FRMPD4: variants seen among roughly 807,000 people sequenced by gnomAD.
FRMPD4 encodes FERM and PDZ domain-containing protein 4.
FRMPD4 carries 22 observed loss-of-function variants against 94.1 expected under a neutral mutation model. The ratio of observed to expected loss-of-function variants is 0.23; its 90% confidence interval spans 0.17 to 0.33. The LOEUF (loss-of-function observed/expected upper bound fraction) is 0.33. Among genes scored for constraint, FRMPD4 ranks in the 10% least tolerant of loss-of-function variants. The pLI is 1.00. For synonymous variants in FRMPD4, 631 were observed against 548.6 expected, an observed-to-expected ratio of 1.15 and a Z score of -2.10; for missense variants, 1,111 against 1,339.9, an observed-to-expected ratio of 0.83 and a Z score of 2.67.
At chrX:12,545,650 G>A (rs1332690168) in intron 2 of FRMPD4, among the ~76,000 whole-genome samples, 1 of 112,822 alleles carries the variant, frequency 8.9e-6, no homozygotes, top group African/African-American at 3.2e-5. Context: ...ATTTTAATGA[G>A]ACTGCAGACT....
intron 3 of FRMPD4, among the ~76,000 whole-genome samples, chrX:12,075,350 G>C (rs1418882726): frequency 4.6e-5 from 5 of 108,691 alleles, no homozygotes; most frequent in African/African-American, 1.7e-4. Flanking sequence ...TTATGTGTGT[G>C]TGGGGGGTGG....
At chrX:12,007,320 G>A (rs896492692) in intron 3 of FRMPD4, among the ~76,000 whole-genome samples, 6 of 112,360 alleles carry the variant, frequency 5.3e-5, no homozygotes, top group African/African-American at 1.3e-4. Flanking sequence ...AGCTGAAGGT[G>A]GCCCTGTTCA....
chrX:12,123,566 T>C (rs2055475125), intron 3 of FRMPD4, among the ~76,000 whole-genome samples: 1 of 112,154 alleles, frequency 8.9e-6, no homozygotes, highest in Non-Finnish European at 1.9e-5. Flanking sequence ...TCAACACAGA[T>C]TGTTGTTGAG....
At chrX:12,522,742 A>G (rs1435391639) in intron 2 of FRMPD4, among the ~76,000 whole-genome samples, 2 of 108,791 alleles carry the variant, frequency 1.8e-5, no homozygotes, top group Non-Finnish European at 3.8e-5. Context: ...AGCTGAGACT[A>G]CAGGCACACA....
chrX:12,076,356 G>A (rs1405475039), intron 3 of FRMPD4, among the ~76,000 whole-genome samples: 1 of 107,965 alleles, frequency 9.3e-6, no homozygotes, highest in African/African-American at 3.4e-5. Context: ...GTGTGTGTGT[G>A]TATGTGTGTG....
chrX:12,587,014 T>C (rs2058935382), intron 2 of FRMPD4, among the ~76,000 whole-genome samples: 1 of 109,732 alleles, frequency 9.1e-6, no homozygotes, highest in Non-Finnish European at 1.9e-5. Flanking sequence ...TCTCACTCTG[T>C]CGCCCAGGCT....
chrX:12,382,530 GAGCATAGCAT>G (rs59601417), intron 1 of FRMPD4, among the ~76,000 whole-genome samples: 996 of 45,567 alleles, frequency 0.022, 9 homozygotes, highest in Non-Finnish European at 0.026. Flanking sequence ...GCATAGCATA[GAGCATAGCAT>G]AGCATAGCAT....
intron 1 of FRMPD4, among the ~76,000 whole-genome samples, chrX:12,397,528 T>C (rs1037719736): frequency 8.9e-6 from 1 of 112,108 alleles, no homozygotes; most frequent in Non-Finnish European, 1.9e-5. Flanking sequence ...AGGTTTTTAT[T>C]GTAGCGAGGA....
intron 1 of FRMPD4, among the ~76,000 whole-genome samples, chrX:12,208,796 C>G (rs2056723963): frequency 9.0e-6 from 1 of 111,546 alleles, no homozygotes; most frequent in African/African-American, 3.3e-5. Context: ...CAATTAAATA[C>G]AATCATGCAT....
intron 1 of FRMPD4, among the ~76,000 whole-genome samples, chrX:12,336,085 GA>G (rs925312106): frequency 1.9e-5 from 2 of 107,391 alleles, no homozygotes; most frequent in Non-Finnish European, 3.8e-5. Context: ...TAATTTCCAA[GA>G]TTTTTTTTTT....
In FRMPD4 at chrX:12,721,934, A is replaced by C. The variant is rs1191729486; in HGVS notation, c.*76A>C. 1 of 402,387 alleles carries C rather than the reference A, an allele frequency of 2.5e-6. No individual in the cohort carries two copies. The highest frequency in any genetic ancestry group is 3.2e-6 in the Non-Finnish European group (1 of 316,165). The allele number at this position is 402,387 out of a possible 1,213,427, so 33.2% of individuals were successfully genotyped here. ...TATTTACTTTGTGTGTATGATGAAC[A>C]GATGTCTCCTTTCTTCTCTCTGTAT... On this transcript the variant is annotated 3_prime_UTR_variant, in exon 17 of 17. Transcript: ENST00000675598.
At chrX:12,271,691 A>C (rs200289221) in intron 1 of FRMPD4, among the ~76,000 whole-genome samples, 1 of 112,194 alleles carries the variant, frequency 8.9e-6, no homozygotes, top group East Asian at 2.8e-4. Flanking sequence ...TTCTCATTAC[A>C]AGGTAAAAGT....
At chrX:12,277,539 T>C (rs1219663147) in intron 1 of FRMPD4, among the ~76,000 whole-genome samples, 1 of 112,175 alleles carries the variant, frequency 8.9e-6, no homozygotes, top group Non-Finnish European at 1.9e-5. Flanking sequence ...TGTTTCAGCC[T>C]TCACTTCCAG....
At chrX:12,313,984 G>C (rs947243063) in intron 1 of FRMPD4, among the ~76,000 whole-genome samples, 9 of 112,125 alleles carry the variant, frequency 8.0e-5, no homozygotes, top group Non-Finnish European at 1.3e-4. Context: ...TGTGACCAAG[G>C]AATAAAAGTT....
Position 12,718,417 on chromosome X carries a change from G to A in FRMPD4, c.3591G>A (p.Lys1197=). Residue 1197 remains lysine, a synonymous_variant, in exon 16 of 17, where the codon AAG becomes AAA. Coordinates refer to ENST00000675598, the MANE Select transcript of FRMPD4 (RefSeq NM_001368397.1). ...VARLCDYHLA[K]RMSSLQSEGH... ...GCCTTTGTGACTACCACTTGGCCAA[G>A]CGGATGTCATCACTGCAAAGCGAGG... 8.3e-7 allele frequency: 1 copy of A among 1,211,255 alleles called. No individual in the cohort carries two copies. Among genetic ancestry groups the A allele is most frequent in the Non-Finnish European group, 1.1e-6 (1 of 894,877 alleles).
At chrX:12,606,995 A>G (rs1187783026) in intron 2 of FRMPD4, among the ~76,000 whole-genome samples, 1 of 111,282 alleles carries the variant, frequency 9.0e-6, no homozygotes, top group Admixed American at 9.5e-5. Context: ...TCAATGTCTG[A>G]AGGTCAAGTT....
intron 5 of FRMPD4, among the ~76,000 whole-genome samples, chrX:12,677,443 G>A (rs1300297904): frequency 9.4e-6 from 1 of 105,978 alleles, no homozygotes; most frequent in Admixed American, 1.0e-4. Context: ...TATATTTTTG[G>A]GTTTGGATTT....
At chrX:12,456,047 G>A (rs1210188115) in intron 1 of FRMPD4, among the ~76,000 whole-genome samples, 1 of 111,593 alleles carries the variant, frequency 9.0e-6, no homozygotes, top group East Asian at 2.8e-4. Flanking sequence ...TCCCACCTAG[G>A]CCTCCCAAAG....
chrX:12,365,750 G>A (rs1189122893), intron 1 of FRMPD4, among the ~76,000 whole-genome samples: 2 of 112,298 alleles, frequency 1.8e-5, no homozygotes, highest in Non-Finnish European at 3.8e-5. Flanking sequence ...GGCAGGGGCA[G>A]GGGGCAACCA....
Sources: gnomAD v4.1 joint callset for allele counts (sites outside exome capture counted in the v4.1 genomes callset) on GRCh38, gnomAD v4.1.1 for gene constraint, MANE v1.5 for transcripts, NCBI Gene and HGNC (gene_info 2026-07-23, HGNC 2026-07-21) for gene names.